The following MAN1A2 variants were observed in gnomAD, a reference collection of about 807,000 sequenced individuals.
MAN1A2 encodes the protein mannosyl-oligosaccharide 1,2-alpha-mannosidase IB.
MAN1A2 carries 26 observed loss-of-function variants against 75.7 expected under a neutral mutation model. The observed-to-expected ratio is 0.34, with a 90% CI of 0.25 to 0.48. MAN1A2 has a LOEUF of 0.48. MAN1A2 is among the 20% of genes least tolerant of loss of function. MAN1A2 has a pLI of 0.99. For missense variants in MAN1A2, 562 were observed against 775.5 expected (o/e 0.72, Z 3.27); for synonymous variants, 247 against 264.6 (o/e 0.93, Z 0.65).
chr1:117,451,932 G>A lies in MAN1A2; in HGVS notation c.951-8557G>A, dbSNP rs368345260. On this transcript the variant is annotated intron_variant, in intron 6 of 12. Coordinates refer to ENST00000356554, the MANE Select transcript of MAN1A2 (RefSeq NM_006699.5). ...GAGTCCAGGAGGCGGAGCTTGCAGC[G>A]AGCTGAAATTGTGCCACTGCACTCC... Among the ~76,000 whole-genome samples the A allele has an allele frequency of 3.2e-4, 48 of 152,158 alleles. No homozygotes were observed. In the East Asian group the frequency reaches 3.9e-3, roughly 12 times the overall value.
chr1:117,516,114 T>C (rs1651708037), intron 12 of MAN1A2, among the ~76,000 whole-genome samples: 1 of 152,110 alleles, frequency 6.6e-6, no homozygotes, highest in African/African-American at 2.4e-5. Flanking sequence ...TCCTAAAATA[T>C]TAATATTAAT....
intron 1 of MAN1A2, among the ~76,000 whole-genome samples, chr1:117,391,144 C>A (rs370493605): frequency 1.3e-5 from 2 of 152,098 alleles, no homozygotes; most frequent in Admixed American, 6.5e-5. Context: ...CTACTCTAAT[C>A]CCATTGTAGC....
intron 8 of MAN1A2, among the ~76,000 whole-genome samples, chr1:117,491,135 A>G (rs1192213258): frequency 6.6e-6 from 1 of 152,066 alleles, no homozygotes; most frequent in Non-Finnish European, 1.5e-5. Context: ...TAACTAAGTT[A>G]ATTGATGAAG....
intron 6 of MAN1A2, among the ~76,000 whole-genome samples, chr1:117,443,942 T>G (rs906526132): frequency 1.3e-5 from 2 of 151,176 alleles, no homozygotes; most frequent in Non-Finnish European, 2.9e-5. Context: ...TTGGCTGGGG[T>G]CTACGCATTT....
At chr1:117,450,060 T>A (rs1488082281) in intron 6 of MAN1A2, among the ~76,000 whole-genome samples, 2 of 151,986 alleles carry the variant, frequency 1.3e-5, no homozygotes, top group African/African-American at 4.8e-5. Context: ...CAGGCAGAGG[T>A]TGGAGAAGAA....
intron 11 of MAN1A2, among the ~76,000 whole-genome samples, chr1:117,501,860 C>G (rs892549989): frequency 4.6e-5 from 7 of 151,738 alleles, no homozygotes; most frequent in Non-Finnish European, 8.8e-5. Flanking sequence ...AGTTAAGTAA[C>G]CATGCCTTCA....
chr1:117,400,934 A>G (rs1157273827), intron 1 of MAN1A2, among the ~76,000 whole-genome samples: 2 of 152,116 alleles, frequency 1.3e-5, no homozygotes, highest in Admixed American at 6.5e-5. Context: ...ATATTGTTGT[A>G]CAACCATCAC....
In MAN1A2 at chr1:117,382,234, G is replaced by A. The variant is rs535841290; in HGVS notation, c.302+13749G>A. Among the ~76,000 whole-genome samples, 30 of 152,246 alleles carry A rather than the reference G, an allele frequency of 2.0e-4. 1 individual carries two copies. In the South Asian group the frequency reaches 3.9e-3, roughly 20 times the overall value. ...GGCTTTTGTTGCCATTGCTTTTTGT[G>A]TTTTAGACATGAAGTCCTTGCCCAT... On this transcript the variant is annotated intron_variant, in intron 1 of 12. Transcript: ENST00000356554.
chr1:117,459,628 T>C (rs1294620688), intron 6 of MAN1A2, among the ~76,000 whole-genome samples: 1 of 152,208 alleles, frequency 6.6e-6, no homozygotes, highest in Non-Finnish European at 1.5e-5. Context: ...CAATTTTTCA[T>C]TTTATGTAGT....
At chr1:117,472,846 G>A (rs1183294421) in intron 8 of MAN1A2, among the ~76,000 whole-genome samples, 4 of 151,808 alleles carry the variant, frequency 2.6e-5, no homozygotes, top group African/African-American at 7.3e-5. Flanking sequence ...AAGCTCATCA[G>A]CTATCATTAG....
intron 1 of MAN1A2, among the ~76,000 whole-genome samples, chr1:117,378,051 G>A (rs972255189): frequency 2.0e-5 from 3 of 152,146 alleles, no homozygotes; most frequent in Admixed American, 6.5e-5. Context: ...GCAGTGAGCC[G>A]AGATCGCGCC....
chr1:117,403,846 CA>C (rs1647524033), intron 2 of MAN1A2, among the ~76,000 whole-genome samples: 1 of 152,020 alleles, frequency 6.6e-6, no homozygotes, highest in African/African-American at 2.4e-5. Flanking sequence ...GGTTTGTTCC[CA>C]ACTTTAGGGG....
At chr1:117,400,432 G>A (rs1647384670) in intron 1 of MAN1A2, among the ~76,000 whole-genome samples, 1 of 147,812 alleles carries the variant, frequency 6.8e-6, no homozygotes, top group African/African-American at 2.5e-5. Context: ...TGCTATTCAT[G>A]TAACTACCAT....
intron 5 of MAN1A2, among the ~76,000 whole-genome samples, chr1:117,424,879 C>CT (rs1247378123): frequency 2.0e-5 from 3 of 152,148 alleles, no homozygotes; most frequent in Non-Finnish European, 2.9e-5. Flanking sequence ...ACAGAAATGT[C>CT]TTTAAGAATC....
intron 11 of MAN1A2, among the ~76,000 whole-genome samples, chr1:117,500,247 A>C (rs1651158884): frequency 6.6e-6 from 1 of 151,356 alleles, no homozygotes; most frequent in South Asian, 2.1e-4. Context: ...CGTGTGCACA[A>C]CTCCCTCCCC....
At chr1:117,404,829 C>T (rs1028840973) in intron 2 of MAN1A2, among the ~76,000 whole-genome samples, 5 of 151,910 alleles carry the variant, frequency 3.3e-5, no homozygotes, top group African/African-American at 7.3e-5. Flanking sequence ...CCAAAGTGGG[C>T]GGATCATGAG....
chr1:117,460,393 T>G, intron 6 of MAN1A2, 96 bp from the exon 7 acceptor site: 1 of 762,222 alleles, frequency 1.3e-6, no homozygotes, highest in Non-Finnish European at 2.1e-6. Context: ...ATATAATAAT[T>G]TATAAGAGAT....
rs377345278 is a variant in MAN1A2 at position 117,526,878 on chromosome 1, C to A, written c.*3921C>A. On this transcript the variant is annotated 3_prime_UTR_variant, in exon 13 of 13. Transcript: ENST00000356554. ...TCTCTCTCTCTCTCTCTCTCTCTCT[C>A]TCTATATATATATATATATATATAT... 2,466 of 59,700 alleles carry A rather than the reference C, an allele frequency of 0.041. 25 individuals are homozygous for A. The highest frequency in any genetic ancestry group is 0.052 in the Non-Finnish European group (1,457 of 28,210). 3.7% of individuals were successfully genotyped at this position (59,700 alleles called of 1,614,324 possible).
intron 8 of MAN1A2, among the ~76,000 whole-genome samples, chr1:117,478,912 C>G (rs1317762684): frequency 6.6e-6 from 1 of 151,082 alleles, no homozygotes; most frequent in Non-Finnish European, 1.5e-5. Flanking sequence ...TTCTTTCTTT[C>G]TTTTTTTTTC....
Sources: allele counts gnomAD v4.1 joint callset (sites outside exome capture counted in the v4.1 genomes callset), GRCh38; gene constraint gnomAD v4.1.1; transcripts MANE v1.5; gene names NCBI Gene and HGNC (gene_info 2026-07-23, HGNC 2026-07-21).